The following CACNA1C variants were observed in gnomAD, a reference collection of about 807,000 sequenced individuals.
CACNA1C encodes the protein calcium voltage-gated channel subunit alpha1 C.
A neutral mutation model predicts 229.0 loss-of-function variants in CACNA1C; 30 were observed. That is an observed-to-expected ratio of 0.13 (90% CI 0.10 to 0.18). The LOEUF (loss-of-function observed/expected upper bound fraction) is 0.18, where lower values mean the gene tolerates loss of function less well. Among genes scored for constraint, CACNA1C ranks in the 10% least tolerant of loss-of-function variants. The probability of loss-of-function intolerance (pLI) is 1.00; values close to 1 mark genes in which losing one functional copy is unlikely to be tolerated. For missense variants in CACNA1C, 1,658 were observed against 2,845.0 expected (o/e 0.58, Z 9.49); for synonymous variants, 1,114 against 1,132.5 (o/e 0.98, Z 0.33).
At chr12:2,395,742 T>C (rs1195165690) in intron 3 of CACNA1C, among the ~76,000 whole-genome samples, 1 of 152,188 alleles carries the variant, frequency 6.6e-6, no homozygotes, top group East Asian at 1.9e-4. Context: ...CACCTCTATG[T>C]GCATCCCTGA....
chr12:2,694,483 C>T lies in CACNA1C; in HGVS notation c.*3284C>T, dbSNP rs1259194953. On this transcript the variant is annotated 3_prime_UTR_variant, in exon 47 of 47. Coordinates refer to ENST00000399655, the MANE Select transcript of CACNA1C (RefSeq NM_000719.7). ...AGCCCTGCCTCTTTCATTTCCAGAC[C>T]TTGGAGAATTTTTCCCAGCTTTGAT... is the stretch of plus-strand genomic sequence containing the variant. The T allele has an allele frequency of 9.2e-5, 14 of 152,258 alleles. No homozygotes were observed. The highest frequency in any genetic ancestry group is 5.9e-5 in the Non-Finnish European group (4 of 68,068). The allele number at this position is 152,258 out of a possible 1,614,324, so 9.4% of individuals were successfully genotyped here.
intron 3 of CACNA1C, among the ~76,000 whole-genome samples, chr12:2,432,554 T>G (rs1022813052): frequency 3.9e-5 from 6 of 152,134 alleles, no homozygotes; most frequent in African/African-American, 1.4e-4. Flanking sequence ...ACCTTGGGGA[T>G]TAGTGGCCGG....
chr12:2,529,378 TG>T (rs1267046365), intron 9 of CACNA1C, among the ~76,000 whole-genome samples: 1 of 152,256 alleles, frequency 6.6e-6, no homozygotes, highest in African/African-American at 2.4e-5. Context: ...GCATTTTATC[TG>T]TGGCATTCAT....
intron 3 of CACNA1C, among the ~76,000 whole-genome samples, chr12:2,266,495 C>T (rs543081666): frequency 2.6e-5 from 4 of 152,322 alleles, no homozygotes; most frequent in African/African-American, 9.6e-5. Context: ...GTTGTCACTG[C>T]CAGGGCTGGC....
At chr12:2,122,154 G>A (rs1169125033) in intron 3 of CACNA1C, among the ~76,000 whole-genome samples, 2 of 152,192 alleles carry the variant, frequency 1.3e-5, no homozygotes, top group Non-Finnish European at 2.9e-5. Context: ...TGGAGCTGGA[G>A]TGAGGTTGCT....
rs141849747 is a variant in CACNA1C, at chr12:2,371,305, T to A, written c.478-77671T>A. On this transcript the variant is annotated intron_variant, in intron 3 of 46. Transcript: ENST00000399655. ...ATGAGAGGCTTCATCGGGCAGAAGT[T>A]GGAATAGAAGGCATCAAAAGACCCA... Among the ~76,000 whole-genome samples, 922 of 152,164 alleles carry A rather than the reference T, an allele frequency of 6.1e-3. 6 individuals carry two copies. The highest frequency in any genetic ancestry group is 0.021 in the African/African-American group (882 of 41,510).
intron 3 of CACNA1C, among the ~76,000 whole-genome samples, chr12:2,139,202 G>A (rs973402626): frequency 1.3e-5 from 2 of 150,754 alleles, no homozygotes; most frequent in African/African-American, 4.8e-5. Context: ...TGCCAGCAGC[G>A]CCTGGCATCC....
Position 2,486,337 on chromosome 12 carries a change from C to A in CACNA1C, c.916+75C>A. 2 of 1,294,534 alleles carry A rather than the reference C, an allele frequency of 1.5e-6. No homozygotes were observed. Among genetic ancestry groups the A allele is most frequent in the South Asian group, 1.4e-5 (1 of 69,070 alleles). The allele number at this position is 1,294,534 out of a possible 1,614,324, so 80.2% of individuals were successfully genotyped here. A position where few individuals can be genotyped will look rare whatever the true frequency, so the allele number is the denominator to read the frequency against. The stretch of plus-strand genomic sequence containing the variant: ...CCAGCACCTTTCCCGCTGCTGGCTA[C>A]ACCAACATGACCAGCAGAGCCCAGG... On this transcript the variant is annotated intron_variant, in intron 6 of 46. Transcript: ENST00000399655. This position sits in a 1 kb window ranked among gnomAD's most constrained non-coding sequence, Gnocchi z 4.9.
intron 3 of CACNA1C, among the ~76,000 whole-genome samples, chr12:2,270,316 AT>A (rs1398345922): frequency 6.6e-6 from 1 of 152,212 alleles, no homozygotes; most frequent in Non-Finnish European, 1.5e-5. Context: ...AATGTCTCCC[AT>A]ACACCCTCCT....
intron 3 of CACNA1C, among the ~76,000 whole-genome samples, chr12:2,422,765 G>A (rs546731221): frequency 1.3e-5 from 2 of 152,272 alleles, no homozygotes; most frequent in South Asian, 4.1e-4. Flanking sequence ...CTGTGTTGAG[G>A]AGGGTTCTGC....
Position 2,694,922 on chromosome 12 carries a change from G to A in CACNA1C, c.*3723G>A, listed in dbSNP as rs1345253409. ...GGGATAGAGTGGAACCCTGGTCATCGGGGTTTTTAGCCTCATCGTGGGAAA... is the reference window on the plus strand; with the variant it reads ...GGGATAGAGTGGAACCCTGGTCATCAGGGTTTTTAGCCTCATCGTGGGAAA... On this transcript the variant is annotated 3_prime_UTR_variant, in exon 47 of 47. Transcript: ENST00000399655. 3.3e-5 allele frequency: 5 copies of A among 152,226 alleles called. No homozygotes were observed. The highest frequency in any genetic ancestry group is 1.2e-4 in the African/African-American group (5 of 41,444). 9.4% of individuals were successfully genotyped at this position (152,226 alleles called of 1,614,324 possible).
intron 5 of CACNA1C, among the ~76,000 whole-genome samples, chr12:2,471,915 G>T (rs1440139463): frequency 2.0e-5 from 3 of 152,172 alleles, no homozygotes; most frequent in African/African-American, 7.2e-5. Flanking sequence ...TCCTGACCTC[G>T]TGATCCACCT....
At chr12:2,315,608 C>A (rs368253557) in intron 3 of CACNA1C, among the ~76,000 whole-genome samples, 1 of 152,140 alleles carries the variant, frequency 6.6e-6, no homozygotes, top group East Asian at 1.9e-4. Context: ...CACAGAGTCC[C>A]GCAAGCTGTG....
rs144580112 is a variant in CACNA1C, at chr12:2,644,659, T to A, written c.3913-3816T>A. Among the ~76,000 whole-genome samples, 298 of 152,248 alleles carry A rather than the reference T, an allele frequency of 2.0e-3. 1 individual carries two copies. The highest frequency in any genetic ancestry group is 6.5e-3 in the African/African-American group (271 of 41,536). On this transcript the variant is annotated intron_variant, in intron 30 of 46. Coordinates refer to ENST00000399655, the MANE Select transcript of CACNA1C (RefSeq NM_000719.7). ...GCTGGCCTCTGGCATTCCCTGAGTA[T>A]CGCCCCTCAGCATCCTAAATGTGGC... is the stretch of plus-strand genomic sequence containing the variant.
intron 1 of CACNA1C, among the ~76,000 whole-genome samples, chr12:2,070,087 G>A (rs1384640322): frequency 6.6e-6 from 1 of 152,058 alleles, no homozygotes; most frequent in Admixed American, 6.5e-5. Flanking sequence ...TTATAGGCTT[G>A]AGCCACCATG....
intron 3 of CACNA1C, among the ~76,000 whole-genome samples, chr12:2,391,402 G>A (rs1273020166): frequency 6.6e-6 from 1 of 152,160 alleles, no homozygotes; most frequent in Non-Finnish European, 1.5e-5. Flanking sequence ...TGGGAACCCA[G>A]GGTTGATTTT....
At position 2,033,319 on chromosome 12, in the gene CACNA1C, G is replaced by C. The variant is rs556716038; in HGVS notation, c.139+62118G>C. On this transcript the variant is annotated intron_variant, in intron 1 of 46. Coordinates refer to the CACNA1C transcript ENST00000682462. ...CAGGCTCAAGTCCGCCCATGTGCTC[G>C]GCCACCACCTGGCCTGCAAGTCTAT... Among the ~76,000 whole-genome samples, 6 of 152,224 alleles carry C rather than the reference G, an allele frequency of 3.9e-5. No individual in the cohort carries two copies. The East Asian group carries it at 7.7e-4, about 20-fold the overall frequency.
chr12:2,666,948 G>A lies in CACNA1C; in HGVS notation c.4623+166G>A, dbSNP rs2096159559. On this transcript the variant is annotated intron_variant, in intron 37 of 46. Transcript: ENST00000399655. This position sits in a 1 kb window ranked among gnomAD's most constrained non-coding sequence, Gnocchi z 5.3. ...TCTCAGACTCTATGAGGGAATAACA[G>A]AGTGAATGCCTCCTGTCCTACTGAG... Among the ~76,000 whole-genome samples, 2 of 152,156 alleles carry A rather than the reference G, an allele frequency of 1.3e-5. No individual in the cohort carries two copies. Among genetic ancestry groups the A allele is most frequent in the Non-Finnish European group, 1.5e-5 (1 of 68,028 alleles).
At chr12:2,641,603 A>C in intron 30 of CACNA1C, 4 of 640,982 alleles carry the variant, frequency 6.2e-6, no homozygotes, top group Non-Finnish European at 1.1e-5. Flanking sequence ...CAACAAACCT[A>C]ATGCTACCAA....
Sources: allele counts gnomAD v4.1 joint callset (sites outside exome capture counted in the v4.1 genomes callset), GRCh38; gene constraint gnomAD v4.1.1; non-coding constraint Gnocchi (gnomAD v3.1); transcripts MANE v1.5; gene names NCBI Gene and HGNC (gene_info 2026-07-23, HGNC 2026-07-21).